BMP7: variants seen among roughly 807,000 people sequenced by gnomAD.
BMP7 encodes osteogenic protein 1.
Under a neutral mutation model 41.2 loss-of-function variants are expected in BMP7, and 12 were observed. That is an observed-to-expected ratio of 0.29 (90% CI 0.19 to 0.47). The LOEUF is 0.47. BMP7 is among the 20% of genes least tolerant of loss of function. BMP7 has a pLI of 0.99. For synonymous variants in BMP7, 248 were observed against 250.0 expected (o/e 0.99, Z 0.07); for missense variants, 467 against 606.0 (o/e 0.77, Z 2.41).
At chr20:57,248,948 A>T (rs561479964) in intron 1 of BMP7, among the ~76,000 whole-genome samples, 1 of 151,776 alleles carries the variant, frequency 6.6e-6, no homozygotes, top group African/African-American at 2.4e-5. Context: ...ACAGGTGCCC[A>T]CCACCACGCC....
chr20:57,194,721 G>C (rs1984453164), intron 3 of BMP7, among the ~76,000 whole-genome samples: 1 of 152,210 alleles, frequency 6.6e-6, no homozygotes, highest in South Asian at 2.1e-4. Context: ...CTCCTCGCTG[G>C]AATCTCCCAA....
At chr20:57,181,922 A>T (rs1984091543) in intron 4 of BMP7, among the ~76,000 whole-genome samples, 1 of 152,234 alleles carries the variant, frequency 6.6e-6, no homozygotes, top group Admixed American at 6.5e-5. Flanking sequence ...TTTGCCCTGG[A>T]GGGTGACACA....
chr20:57,245,948 A>T (rs985779289), intron 1 of BMP7, among the ~76,000 whole-genome samples: 5 of 152,178 alleles, frequency 3.3e-5, no homozygotes, highest in African/African-American at 9.7e-5. Context: ...ATGGTTAGTG[A>T]TTTAACAGTA....
chr20:57,179,715 C>A (rs1984031131), intron 4 of BMP7, among the ~76,000 whole-genome samples: 1 of 152,260 alleles, frequency 6.6e-6, no homozygotes, highest in Admixed American at 6.5e-5. Flanking sequence ...TACACACTCA[C>A]ACTCAAGGAC....
chr20:57,180,918 G>A (rs1446472929), intron 4 of BMP7, among the ~76,000 whole-genome samples: 1 of 152,134 alleles, frequency 6.6e-6, no homozygotes, highest in African/African-American at 2.4e-5. Context: ...TTCAAGCTAG[G>A]CTAGGTAAGG....
chr20:57,227,802 T>G (rs162312), intron 2 of BMP7, among the ~76,000 whole-genome samples: 34,200 of 152,156 alleles, frequency 0.22, 4,365 homozygotes, highest in African/African-American at 0.33. Context: ...TTCTCTGTTT[T>G]TTTTGGTTTG....
intron 3 of BMP7, among the ~76,000 whole-genome samples, chr20:57,195,490 C>T (rs1003765778): frequency 2.0e-5 from 3 of 152,246 alleles, no homozygotes; most frequent in African/African-American, 7.2e-5. Context: ...GGACCGATCC[C>T]CGCCACTGGG....
Position 57,174,961 on chromosome 20 carries a change from C to T in BMP7, c.1005G>A (p.Leu335=). The part of the protein sequence containing the change: ...DQRQACKKHE[L]YVSFRDLGWQ... Reference sequence around the variant, plus strand: ...AGCCCAGGTCTCGGAAGCTGACATACAGCTCGTGCTTCTTACAGGCCTGCC... The same window carrying T: ...AGCCCAGGTCTCGGAAGCTGACATATAGCTCGTGCTTCTTACAGGCCTGCC... Residue 335 remains leucine, a synonymous_variant, in exon 5 of 7, where the codon CTG becomes CTA. Coordinates refer to ENST00000395863, the MANE Select transcript of BMP7 (RefSeq NM_001719.3). This position sits in a 1 kb window ranked among gnomAD's most constrained non-coding sequence, Gnocchi z 4.3. The T allele has an allele frequency of 2.5e-6, 4 of 1,612,356 alleles. No homozygotes were observed. Among genetic ancestry groups the T allele is most frequent in the Non-Finnish European group, 3.4e-6 (4 of 1,179,896 alleles).
intron 1 of BMP7, among the ~76,000 whole-genome samples, chr20:57,242,711 T>G (rs1043131257): frequency 2.0e-5 from 3 of 152,152 alleles, no homozygotes; most frequent in Non-Finnish European, 2.9e-5. Context: ...TTAATTTAAA[T>G]GTAAACAGCT....
intron 5 of BMP7, among the ~76,000 whole-genome samples, chr20:57,173,917 G>A (rs1983866357): frequency 6.6e-6 from 1 of 152,164 alleles, no homozygotes; most frequent in South Asian, 2.1e-4. Flanking sequence ...GGATCCATGT[G>A]CCATCCTTGC....
At chr20:57,199,860 C>G (rs1171148640) in intron 3 of BMP7, among the ~76,000 whole-genome samples, 1 of 152,248 alleles carries the variant, frequency 6.6e-6, no homozygotes, top group African/African-American at 2.4e-5. Context: ...AGCCAAGTCA[C>G]TGGGCGGTGG....
chr20:57,192,093 T>C (rs867835301), intron 3 of BMP7, among the ~76,000 whole-genome samples: 9 of 124,678 alleles, frequency 7.2e-5, no homozygotes, highest in African/African-American at 2.9e-4. Context: ...TTTATTTATA[T>C]TTATAAATTT....
chr20:57,187,554 C>CCTCCCTCT (rs1555812220), intron 3 of BMP7, among the ~76,000 whole-genome samples: 2 of 144,020 alleles, frequency 1.4e-5, no homozygotes. Context: ...GGAAGCCTGC[C>CCTCCCTCT]CTCTCTCTCT....
rs1984970207 is a variant in BMP7 at position 57,214,628 on chromosome 20, CT to C, written c.612-12006del. On this transcript the variant is annotated intron_variant, in intron 2 of 6. Transcript: ENST00000395863. The surrounding 1 kb of genome is among the most constrained non-coding windows in gnomAD (Gnocchi z 4.0). Reference sequence around the variant, plus strand: ...CGCTGCCTGCAACACTGTTCCCTGCCTTTTCACCTCCCTCACACCTGCCTGT... The same window carrying C: ...CGCTGCCTGCAACACTGTTCCCTGCCTTTCACCTCCCTCACACCTGCCTGT... Among the ~76,000 whole-genome samples, 1 of 152,140 alleles carries C rather than the reference CT, an allele frequency of 6.6e-6. No individual in the cohort carries two copies. Among genetic ancestry groups the C allele is most frequent in the African/African-American group, 2.4e-5 (1 of 41,422 alleles).
chr20:57,170,907 A>C lies in BMP7; in HGVS notation c.*52T>G, dbSNP rs1029190802. On this transcript the variant is annotated 3_prime_UTR_variant, in exon 7 of 7. Coordinates refer to ENST00000395863, the MANE Select transcript of BMP7 (RefSeq NM_001719.3). ...CTGCTGGTTCCTGGCCAAGGCGAGC[A>C]ATGGAGGATCCAGAAAAACTTGGCC... The C allele has an allele frequency of 6.2e-7, 1 of 1,605,866 alleles. No homozygotes were observed. The highest frequency in any genetic ancestry group is 8.5e-7 in the Non-Finnish European group (1 of 1,178,006).
chr20:57,263,140 G>T (rs1174996546), intron 1 of BMP7, among the ~76,000 whole-genome samples: 1 of 152,190 alleles, frequency 6.6e-6, no homozygotes, highest in African/African-American at 2.4e-5. Context: ...TTTAGGGACA[G>T]AGAGAGAAAG....
At chr20:57,173,395 C>T (rs561757689) in intron 5 of BMP7, 85 bp from the exon 6 acceptor site, 22 of 1,340,992 alleles carry the variant, frequency 1.6e-5, no homozygotes, top group East Asian at 4.9e-5. Flanking sequence ...GAAACCACCA[C>T]GCCAGGCTCA....
At chr20:57,193,913 C>T (rs946119502) in intron 3 of BMP7, among the ~76,000 whole-genome samples, 1 of 152,208 alleles carries the variant, frequency 6.6e-6, no homozygotes, top group Admixed American at 6.5e-5. Context: ...TGGTCCAGAG[C>T]AGATTGGAGA....
rs1335401234 is a variant in BMP7, at chr20:57,261,010, A to G, written c.418+4695T>C. Among the ~76,000 whole-genome samples the G allele has an allele frequency of 6.6e-6, 1 of 152,240 alleles. No individual in the cohort carries two copies. The highest frequency in any genetic ancestry group is 1.5e-5 in the Non-Finnish European group (1 of 68,046). ...CACGCTGATTCTTGCAATGGGCCAA[A>G]TATGACCTTACCAAATGAGGGAGAG... On this transcript the variant is annotated intron_variant, in intron 1 of 6. Transcript: ENST00000395863. This position sits in a 1 kb window ranked among gnomAD's most constrained non-coding sequence, Gnocchi z 4.1.
Sources: gnomAD v4.1 joint callset for allele counts (sites outside exome capture counted in the v4.1 genomes callset) on GRCh38, gnomAD v4.1.1 for gene constraint, Gnocchi (gnomAD v3.1) non-coding constraint, MANE v1.5 for transcripts, NCBI Gene and HGNC (gene_info 2026-07-23, HGNC 2026-07-21) for gene names.